Variants in KIFAP3 observed in about 807,000 individuals in gnomAD.
KIFAP3 encodes kinesin-associated protein 3.
Under a neutral mutation model 106.5 loss-of-function variants are expected in KIFAP3, and 68 were observed. The ratio of observed to expected loss-of-function variants is 0.64; its 90% CI spans 0.53 to 0.78. The LOEUF is 0.78. Among genes scored for constraint, KIFAP3 ranks in the 30% least tolerant of loss-of-function variants. KIFAP3 has a pLI of 0.00. For synonymous variants in KIFAP3, 320 were observed against 311.5 expected (o/e 1.03, Z -0.29); for missense variants, 780 against 941.8 (o/e 0.83, Z 2.25).
chr1:170,008,706 G>A (rs576885863), intron 10 of KIFAP3, among the ~76,000 whole-genome samples: 1 of 152,362 alleles, frequency 6.6e-6, no homozygotes, highest in African/African-American at 2.4e-5. Flanking sequence ...GTGGAAGACA[G>A]TGTGGCGATT....
chr1:169,983,649 C>T (rs904411316), intron 12 of KIFAP3, among the ~76,000 whole-genome samples: 4 of 151,838 alleles, frequency 2.6e-5, no homozygotes, highest in African/African-American at 9.7e-5. Context: ...CATTTTTAAA[C>T]ATATATAAAT....
At chr1:169,990,740 A>T (rs1418898760) in intron 11 of KIFAP3, among the ~76,000 whole-genome samples, 1 of 152,060 alleles carries the variant, frequency 6.6e-6, no homozygotes, top group African/African-American at 2.4e-5. Context: ...AAAAATCAAT[A>T]AACTCCTTCA....
Position 170,005,870 on chromosome 1 carries a change from A to T in KIFAP3, c.1183+10592T>A, listed in dbSNP as rs1028852417. 3.2e-4 allele frequency among the ~76,000 whole-genome samples: 37 copies of T among 116,678 alleles called. 1 individual carries two copies. Among genetic ancestry groups the T allele is most frequent in the East Asian group, 1.5e-3 (5 of 3,340 alleles). 76.5% of individuals were successfully genotyped at this position (116,678 alleles called of 152,430 possible). A position where few individuals can be genotyped will look rare whatever the true frequency, so the allele number is the denominator to read the frequency against. Reference sequence around the variant, plus strand: ...CTTAAAGTACAATAATAATAAAATTAAAAAAAAAACCCTGTATACCCAGGT... The same window carrying T: ...CTTAAAGTACAATAATAATAAAATTTAAAAAAAAACCCTGTATACCCAGGT... On this transcript the variant is annotated intron_variant, in intron 10 of 19. Coordinates refer to ENST00000361580, the MANE Select transcript of KIFAP3 (RefSeq NM_014970.4).
chr1:169,966,266 C>T (rs529291681), intron 17 of KIFAP3, among the ~76,000 whole-genome samples: 118 of 151,756 alleles, frequency 7.8e-4, no homozygotes, highest in African/African-American at 2.7e-3. Flanking sequence ...TCAGGAAATA[C>T]GACACAGCAC....
intron 3 of KIFAP3, among the ~76,000 whole-genome samples, chr1:170,046,210 C>CAAAAAAAAAAAAAAAAAAA (rs60580320): frequency 3.2e-4 from 18 of 56,908 alleles, no homozygotes; most frequent in East Asian, 1.3e-3. Flanking sequence ...TTCTCTGCTG[C>CAAAAAAAAAAAAAAAAAAA]AAAAAAAAAA....
intron 19 of KIFAP3, among the ~76,000 whole-genome samples, chr1:169,923,262 T>G (rs1389654345): frequency 6.6e-6 from 1 of 152,176 alleles, no homozygotes; most frequent in Non-Finnish European, 1.5e-5. Flanking sequence ...ATATAGGCAC[T>G]TTTTCTAACT....
At chr1:170,052,578 A>G (rs1670631860) in intron 2 of KIFAP3, among the ~76,000 whole-genome samples, 1 of 152,220 alleles carries the variant, frequency 6.6e-6, no homozygotes, top group Non-Finnish European at 1.5e-5. Context: ...ATGAACATCA[A>G]TGTGAAAATC....
intron 18 of KIFAP3, among the ~76,000 whole-genome samples, chr1:169,958,745 C>T (rs931982774): frequency 5.3e-5 from 8 of 152,036 alleles, no homozygotes; most frequent in African/African-American, 7.2e-5. Flanking sequence ...AGTAGCAATA[C>T]GGCTTTATAA....
intron 13 of KIFAP3, among the ~76,000 whole-genome samples, 189 bp downstream of exon 13, chr1:169,983,081 G>C (rs1666612970): frequency 6.6e-6 from 1 of 151,544 alleles, no homozygotes; most frequent in African/African-American, 2.4e-5. Context: ...TAGGGGTAAG[G>C]GTCACAAAAC....
At position 169,990,663 on chromosome 1, in the gene KIFAP3, C is replaced by A. The variant is rs184954083; in HGVS notation, c.1284+1492G>T. The stretch of plus-strand genomic sequence containing the variant: ...AATAGTGATCCTATGAATGTTAATT[C>A]CCTAAGAGTAAAATTGTTATGATGT... On this transcript the variant is annotated intron_variant, in intron 11 of 19. Coordinates refer to ENST00000361580, the MANE Select transcript of KIFAP3 (RefSeq NM_014970.4). Among the ~76,000 whole-genome samples, 11 of 152,024 alleles carry A rather than the reference C, an allele frequency of 7.2e-5. 1 individual carries two copies. The East Asian group carries it at 2.1e-3, about 29-fold the overall frequency.
intron 1 of KIFAP3, among the ~76,000 whole-genome samples, chr1:170,059,968 C>A (rs796654840): frequency 1.3e-5 from 2 of 152,114 alleles, no homozygotes; most frequent in Admixed American, 6.6e-5. Flanking sequence ...ATTCAACAGC[C>A]CTTCATGCTA....
At chr1:170,004,912 G>A (rs1341968796) in intron 10 of KIFAP3, among the ~76,000 whole-genome samples, 3 of 151,622 alleles carry the variant, frequency 2.0e-5, no homozygotes, top group South Asian at 2.1e-4. Context: ...CCATCAGAGT[G>A]AACAGGCAAC....
intron 19 of KIFAP3, among the ~76,000 whole-genome samples, chr1:169,942,557 G>A (rs964953755): frequency 8.5e-5 from 13 of 152,248 alleles, no homozygotes; most frequent in African/African-American, 3.1e-4. Flanking sequence ...CATTGTAGCT[G>A]AAATTCTGCA....
chr1:170,013,730 A>T (rs1477812685), intron 10 of KIFAP3, among the ~76,000 whole-genome samples: 1 of 152,124 alleles, frequency 6.6e-6, no homozygotes, highest in African/African-American at 2.4e-5. Context: ...AATAACTTTC[A>T]GGATCAATTT....
At chr1:169,929,220 G>A (rs765019749) in intron 19 of KIFAP3, among the ~76,000 whole-genome samples, 9 of 152,054 alleles carry the variant, frequency 5.9e-5, no homozygotes, top group African/African-American at 1.4e-4. Flanking sequence ...CATTGCTGTC[G>A]CAGATAATTA....
intron 19 of KIFAP3, among the ~76,000 whole-genome samples, chr1:169,942,861 A>G (rs1047279427): frequency 6.7e-6 from 1 of 150,018 alleles, no homozygotes; most frequent in African/African-American, 2.4e-5. Flanking sequence ...TTATAACATT[A>G]TATTTCCTTG....
At chr1:170,065,502 T>C (rs1260428248) in intron 1 of KIFAP3, among the ~76,000 whole-genome samples, 1 of 148,914 alleles carries the variant, frequency 6.7e-6, no homozygotes, top group Non-Finnish European at 1.5e-5. Flanking sequence ...TAGTCCCAGC[T>C]ACTTGGGAGG....
chr1:169,941,377 G>A (rs973116046), intron 19 of KIFAP3, among the ~76,000 whole-genome samples: 1 of 152,028 alleles, frequency 6.6e-6, no homozygotes, highest in Non-Finnish European at 1.5e-5. Flanking sequence ...CAGGAGATCT[G>A]ACTTTACTGT....
intron 1 of KIFAP3, among the ~76,000 whole-genome samples, chr1:170,056,181 A>G (rs889385747): frequency 3.3e-5 from 5 of 152,164 alleles, no homozygotes; most frequent in African/African-American, 1.2e-4. Flanking sequence ...GAAATTGTCT[A>G]TATTACAATA....
Sources: allele counts gnomAD v4.1 joint callset (sites outside exome capture counted in the v4.1 genomes callset), GRCh38; gene constraint gnomAD v4.1.1; transcripts MANE v1.5; gene names NCBI Gene and HGNC (gene_info 2026-07-23, HGNC 2026-07-21).